Variants in HS3ST5 observed in about 807,000 individuals in gnomAD.
HS3ST5 encodes the protein heparan sulfate glucosamine 3-O-sulfotransferase 5.
In HS3ST5, 10 loss-of-function variants were observed where a neutral mutation model predicts 25.4. That is an observed-to-expected ratio of 0.39 (90% confidence interval 0.24 to 0.67). The LOEUF (loss-of-function observed/expected upper bound fraction) is 0.67, where lower values mean the gene tolerates loss of function less well. Ranked by LOEUF, HS3ST5 falls within the 30% of genes least tolerant of loss-of-function variation. The pLI, the probability that HS3ST5 is intolerant of heterozygous loss-of-function variation, is 0.44. For missense variants in HS3ST5, 324 were observed against 420.7 expected, an observed-to-expected ratio of 0.77 and a Z score of 2.01; for synonymous variants, 170 against 162.4, an observed-to-expected ratio of 1.05 and a Z score of -0.36.
chr6:114,211,076 A>T (rs1409711514), intron 2 of HS3ST5, among the ~76,000 whole-genome samples: 2 of 152,214 alleles, frequency 1.3e-5, no homozygotes, highest in Non-Finnish European at 2.9e-5. Flanking sequence ...ATGGCTGCAG[A>T]TGTGACCAAC....
chr6:114,286,504 G>T (rs903026922), intron 1 of HS3ST5, among the ~76,000 whole-genome samples: 7 of 152,026 alleles, frequency 4.6e-5, no homozygotes, highest in Admixed American at 3.9e-4. Flanking sequence ...GATTTAAATG[G>T]TTATTAGCCA....
intron 2 of HS3ST5, among the ~76,000 whole-genome samples, chr6:114,205,599 C>G (rs1256447378): frequency 2.0e-5 from 3 of 152,134 alleles, no homozygotes; most frequent in Non-Finnish European, 4.4e-5. Flanking sequence ...CCAGCCCTTC[C>G]CCGCTCCCTG....
At chr6:114,130,107 T>G (rs984512291) in intron 3 of HS3ST5, among the ~76,000 whole-genome samples, 3 of 152,248 alleles carry the variant, frequency 2.0e-5, no homozygotes, top group Admixed American at 2.0e-4. Context: ...TGGTTCTGTG[T>G]TGTCCAGTAT....
chr6:114,170,246 T>C (rs2115001805), intron 2 of HS3ST5, among the ~76,000 whole-genome samples: 1 of 152,244 alleles, frequency 6.6e-6, no homozygotes, highest in Admixed American at 6.5e-5. Context: ...TTTTAAAAAA[T>C]ACAAATTTAT....
At chr6:114,195,134 A>G (rs1156485718) in intron 2 of HS3ST5, among the ~76,000 whole-genome samples, 1 of 152,190 alleles carries the variant, frequency 6.6e-6, no homozygotes, top group African/African-American at 2.4e-5. Flanking sequence ...AAATCCAGAG[A>G]GCCACTAAGG....
At chr6:114,132,501 G>A (rs929659609) in intron 3 of HS3ST5, among the ~76,000 whole-genome samples, 1 of 152,112 alleles carries the variant, frequency 6.6e-6, no homozygotes, top group African/African-American at 2.4e-5. Context: ...ATACCAGCAG[G>A]GCAGGCATTT....
intron 2 of HS3ST5, among the ~76,000 whole-genome samples, chr6:114,196,654 C>CA (rs1231145859): frequency 0.13 from 10,297 of 79,060 alleles, 378 homozygotes; most frequent in African/African-American, 0.15. Flanking sequence ...TGGAGCTCCA[C>CA]AAAAAAAAAA....
intron 1 of HS3ST5, among the ~76,000 whole-genome samples, chr6:114,334,289 A>T (rs1388772711): frequency 4.6e-5 from 7 of 152,120 alleles, no homozygotes. Flanking sequence ...CCAATTCTCC[A>T]TGCTGCATCC....
chr6:114,142,607 T>C (rs1466200836), intron 3 of HS3ST5, among the ~76,000 whole-genome samples: 1 of 152,208 alleles, frequency 6.6e-6, no homozygotes, highest in African/African-American at 2.4e-5. Flanking sequence ...AATCAATAGA[T>C]ATAATCATCT....
At chr6:114,189,906 T>C (rs1262246326) in intron 2 of HS3ST5, among the ~76,000 whole-genome samples, 1 of 152,176 alleles carries the variant, frequency 6.6e-6, no homozygotes, top group Admixed American at 6.5e-5. Flanking sequence ...GGCTGTTTCC[T>C]TAGGGAATCC....
chr6:114,109,641 C>G (rs1391357708), intron 3 of HS3ST5, among the ~76,000 whole-genome samples: 2 of 152,182 alleles, frequency 1.3e-5, no homozygotes, highest in Non-Finnish European at 2.9e-5. Context: ...CATCGCTCTC[C>G]TTTCTGGGAG....
intron 1 of HS3ST5, among the ~76,000 whole-genome samples, chr6:114,282,878 AG>A (rs1562263234): frequency 6.6e-6 from 1 of 152,010 alleles, no homozygotes; most frequent in Non-Finnish European, 1.5e-5. Context: ...TCTCAACTAA[AG>A]TTTCTCACGT....
intron 2 of HS3ST5, among the ~76,000 whole-genome samples, chr6:114,184,025 G>A (rs1376640550): frequency 6.7e-6 from 1 of 149,166 alleles, no homozygotes; most frequent in East Asian, 2.0e-4. Context: ...AGGATATTTA[G>A]CTGAGAAGAT....
At chr6:114,127,400 C>T (rs1314729244) in intron 3 of HS3ST5, among the ~76,000 whole-genome samples, 1 of 152,124 alleles carries the variant, frequency 6.6e-6, no homozygotes, top group Non-Finnish European at 1.5e-5. Flanking sequence ...ATGATCCATT[C>T]CTTGCCCTTG....
At position 114,250,705 on chromosome 6, in the gene HS3ST5, C is replaced by CT. The variant is rs531951958; in HGVS notation, c.-338-21928dup. ...TTGTCTTCTCTTGAATAAAAGTTTG[C>CT]TTTTTTTGTTAAGTGTTAATATTCA... is the stretch of plus-strand genomic sequence containing the variant. On this transcript the variant is annotated intron_variant, in intron 1 of 4. Transcript: ENST00000312719. 1.2e-4 allele frequency among the ~76,000 whole-genome samples: 19 copies of CT among 152,152 alleles called. No individual in the cohort carries two copies. The East Asian group carries it at 3.3e-3, about 26-fold the overall frequency.
intron 3 of HS3ST5, among the ~76,000 whole-genome samples, chr6:114,148,385 A>G (rs1216979325): frequency 1.3e-5 from 2 of 152,152 alleles, no homozygotes; most frequent in Admixed American, 1.3e-4. Flanking sequence ...TTGGGAAGCC[A>G]AGGCGGGTGG....
intron 3 of HS3ST5, among the ~76,000 whole-genome samples, chr6:114,100,776 A>G (rs1775689118): frequency 6.6e-6 from 1 of 152,190 alleles, no homozygotes; most frequent in South Asian, 2.1e-4. Context: ...AAGAAGAAAT[A>G]TTTAGTTCCA....
rs1332208253 is a variant in HS3ST5 at position 114,057,150 on chromosome 6, T to C, written c.*107A>G. The C allele has an allele frequency of 3.6e-5, 28 of 788,618 alleles. No individual in the cohort carries two copies. The Admixed American group carries it at 6.8e-4, about 19-fold the overall frequency. The allele number at this position is 788,618 out of a possible 1,614,324, so 48.9% of individuals were successfully genotyped here. A position where few individuals can be genotyped will look rare whatever the true frequency, so the allele number is the denominator to read the frequency against. ...CACACTGCGTATGTACAAATATACATGGAAAAATGACTTGGATAGCTCTGC... is the reference window on the plus strand; with the variant it reads ...CACACTGCGTATGTACAAATATACACGGAAAAATGACTTGGATAGCTCTGC... On this transcript the variant is annotated 3_prime_UTR_variant, in exon 5 of 5. Transcript: ENST00000312719.
At chr6:114,086,671 C>T (rs1364412977) in intron 3 of HS3ST5, among the ~76,000 whole-genome samples, 2 of 152,150 alleles carry the variant, frequency 1.3e-5, no homozygotes, top group Non-Finnish European at 2.9e-5. Flanking sequence ...ATTTGTTATG[C>T]AGCAATAGAA....
Sources: gnomAD v4.1 joint callset for allele counts (sites outside exome capture counted in the v4.1 genomes callset) on GRCh38, gnomAD v4.1.1 for gene constraint, MANE v1.5 for transcripts, NCBI Gene and HGNC (gene_info 2026-07-23, HGNC 2026-07-21) for gene names.